CYYR1: variants seen among roughly 807,000 people sequenced by gnomAD.
CYYR1 encodes cysteine and tyrosine-rich protein 1.
A neutral mutation model predicts 15.2 loss-of-function variants in CYYR1; 14 were observed. The ratio of observed to expected loss-of-function variants is 0.92; its 90% confidence interval spans 0.61 to 1.44. The LOEUF (loss-of-function observed/expected upper bound fraction) is 1.44. CYYR1 is among the 40% of genes most tolerant of loss of function. The pLI, the probability that CYYR1 is intolerant of heterozygous loss-of-function variation, is 0.00. For missense variants in CYYR1, 228 were observed against 209.5 expected, an observed-to-expected ratio of 1.09 and a Z score of -0.54; for synonymous variants, 80 against 77.4, an observed-to-expected ratio of 1.03 and a Z score of -0.18.
intron 2 of CYYR1, among the ~76,000 whole-genome samples, chr21:26,495,376 C>T (rs1244837439): frequency 6.6e-6 from 1 of 152,150 alleles, no homozygotes; most frequent in Non-Finnish European, 1.5e-5. Context: ...TCTACATTTC[C>T]CAGCTTCCCA....
rs183724623 is a variant in CYYR1, at chr21:26,523,878, T to G, written c.176+42388A>C. Among the ~76,000 whole-genome samples the G allele has an allele frequency of 1.3e-3, 195 of 151,998 alleles. 2 individuals are homozygous for G. The highest frequency in any genetic ancestry group is 3.9e-3 in the South Asian group (19 of 4,828). On this transcript the variant is annotated intron_variant, in intron 2 of 3. Coordinates refer to ENST00000652641, the MANE Select transcript of CYYR1 (RefSeq NM_001320768.2). ...CAAAAGTAGGGAAGATTAGAGTAGA[T>G]GGGCATGTGGCCCAATTCCACCAAC...
At chr21:26,487,916 CAA>C (rs3085022) in intron 2 of CYYR1, among the ~76,000 whole-genome samples, 114,617 of 143,116 alleles carry the variant, frequency 0.8, 46,044 homozygotes, top group Non-Finnish European at 0.84. Context: ...ACATTACTTG[CAA>C]AAAAAAAAAA....
At chr21:26,507,258 G>C (rs745306092) in intron 2 of CYYR1, among the ~76,000 whole-genome samples, 6 of 152,254 alleles carry the variant, frequency 3.9e-5, no homozygotes, top group South Asian at 2.1e-4. Flanking sequence ...ATGCTGACTA[G>C]AGAGAGGTTT....
Position 26,573,176 on chromosome 21 carries a change from G to T in CYYR1, c.-236C>A. The stretch of plus-strand genomic sequence containing the variant: ...TGGCCCGAGACGGGCTGCGCTGGGG[G>T]CCCAGGTCTCTTTGTCTCGCCCCAC... On this transcript the variant is annotated 5_prime_UTR_variant, in exon 1 of 4. Coordinates refer to ENST00000652641, the MANE Select transcript of CYYR1 (RefSeq NM_001320768.2). 2 of 1,478,724 alleles carry T rather than the reference G, an allele frequency of 1.4e-6. No homozygotes were observed. The highest frequency in any genetic ancestry group is 1.8e-6 in the Non-Finnish European group (2 of 1,114,414). 91.6% of individuals were successfully genotyped at this position (1,478,724 alleles called of 1,614,324 possible).
intron 2 of CYYR1, among the ~76,000 whole-genome samples, chr21:26,532,806 A>G (rs955549289): frequency 6.6e-6 from 1 of 152,226 alleles, no homozygotes; most frequent in South Asian, 2.1e-4. Context: ...AAACAACCAC[A>G]GATTTTCCAT....
intron 2 of CYYR1, among the ~76,000 whole-genome samples, chr21:26,559,567 C>T (rs1980056270): frequency 6.6e-6 from 1 of 151,660 alleles, no homozygotes. Flanking sequence ...TATTCTCCTC[C>T]CATTAAAAAA....
intron 2 of CYYR1, among the ~76,000 whole-genome samples, chr21:26,565,755 C>T (rs1163295189): frequency 6.6e-6 from 1 of 152,210 alleles, no homozygotes; most frequent in Non-Finnish European, 1.5e-5. Context: ...AGGCTCTAAA[C>T]TTGTTTCCTG....
chr21:26,507,738 C>G (rs2065588557), intron 2 of CYYR1, among the ~76,000 whole-genome samples: 1 of 152,178 alleles, frequency 6.6e-6, no homozygotes, highest in Non-Finnish European at 1.5e-5. Context: ...CAACAAACTG[C>G]TGAAAGAAAT....
intron 2 of CYYR1, chr21:26,564,960 T>TA: frequency 2.9e-6 from 1 of 339,348 alleles, no homozygotes; most frequent in Non-Finnish European, 4.3e-6. Flanking sequence ...TAAGTTACTG[T>TA]AAAAAATCAT....
At chr21:26,538,509 T>C (rs1978336590) in intron 2 of CYYR1, among the ~76,000 whole-genome samples, 1 of 152,162 alleles carries the variant, frequency 6.6e-6, no homozygotes, top group Non-Finnish European at 1.5e-5. Context: ...GGTGTTTCTT[T>C]CATGTGCTTA....
At chr21:26,500,457 A>C (rs948045637) in intron 2 of CYYR1, among the ~76,000 whole-genome samples, 1 of 152,206 alleles carries the variant, frequency 6.6e-6, no homozygotes, top group African/African-American at 2.4e-5. Flanking sequence ...ATGGAAGGCC[A>C]GGAAGTGGTG....
chr21:26,546,114 G>C (rs1978960255), intron 2 of CYYR1, among the ~76,000 whole-genome samples: 1 of 152,152 alleles, frequency 6.6e-6, no homozygotes, highest in Non-Finnish European at 1.5e-5. Flanking sequence ...AACATAGTAT[G>C]TCCTCTAACA....
chr21:26,564,114 T>C (rs1446675390), intron 2 of CYYR1, among the ~76,000 whole-genome samples: 1 of 152,020 alleles, frequency 6.6e-6, no homozygotes, highest in Non-Finnish European at 1.5e-5. Flanking sequence ...AACCTGTGTA[T>C]GAAGGAACCC....
At chr21:26,502,709 T>C (rs1437836181) in intron 2 of CYYR1, among the ~76,000 whole-genome samples, 1 of 152,150 alleles carries the variant, frequency 6.6e-6, no homozygotes, top group Non-Finnish European at 1.5e-5. Context: ...TTATATACTA[T>C]GTTTACCTCC....
chr21:26,526,060 T>C (rs1283265464), intron 2 of CYYR1, among the ~76,000 whole-genome samples: 1 of 151,918 alleles, frequency 6.6e-6, no homozygotes, highest in Non-Finnish European at 1.5e-5. Flanking sequence ...AACTAATGGG[T>C]ACTAGGCTCA....
At chr21:26,570,357 G>A (rs990820425) in intron 1 of CYYR1, among the ~76,000 whole-genome samples, 6 of 152,164 alleles carry the variant, frequency 3.9e-5, no homozygotes, top group South Asian at 4.1e-4. Context: ...CGCAGAACAG[G>A]AAAAGCAGTA....
chr21:26,540,527 C>T (rs539533423), intron 2 of CYYR1, among the ~76,000 whole-genome samples: 62 of 152,040 alleles, frequency 4.1e-4, no homozygotes, highest in African/African-American at 1.3e-3. Flanking sequence ...ATAAACTCTG[C>T]GGAAAATCTT....
At chr21:26,561,857 C>T (rs1337252600) in intron 2 of CYYR1, among the ~76,000 whole-genome samples, 1 of 152,198 alleles carries the variant, frequency 6.6e-6, no homozygotes, top group African/African-American at 2.4e-5. Context: ...TTTTCCTCAA[C>T]TTTACTTCAG....
intron 2 of CYYR1, among the ~76,000 whole-genome samples, chr21:26,512,460 C>A (rs761142372): frequency 2.0e-4 from 30 of 152,056 alleles, no homozygotes; most frequent in Non-Finnish European, 4.1e-4. Flanking sequence ...GCCTTGGCCC[C>A]CAAAGTGCTG....
Sources: allele counts gnomAD v4.1 joint callset (sites outside exome capture counted in the v4.1 genomes callset), GRCh38; gene constraint gnomAD v4.1.1; transcripts MANE v1.5; gene names NCBI Gene and HGNC (gene_info 2026-07-23, HGNC 2026-07-21).